Variants in NAT9 observed in about 807,000 individuals in gnomAD.
NAT9 encodes the protein N-acetyltransferase 9.
In NAT9, 18 loss-of-function variants were observed where a neutral mutation model predicts 24.0. That is an observed-to-expected ratio of 0.75 (90% confidence interval 0.52 to 1.11). The LOEUF (loss-of-function observed/expected upper bound fraction) is 1.11, where lower values mean the gene tolerates loss of function less well. NAT9 is among the 50% of genes most tolerant of loss of function. The pLI is 0.00. For synonymous variants in NAT9, 104 were observed against 102.3 expected, an observed-to-expected ratio of 1.02 and a Z score of -0.10; for missense variants, 254 against 258.6, an observed-to-expected ratio of 0.98 and a Z score of 0.12.
intron 3 of NAT9, 125 bp from the exon 4 acceptor site, chr17:74,773,164 G>T (rs879594700): frequency 3.3e-6 from 4 of 1,212,396 alleles, no homozygotes; most frequent in African/African-American, 1.5e-5. Flanking sequence ...AGAAGAGGGG[G>T]TCCCAGAGCT....
intron 4 of NAT9, chr17:74,772,609 T>A: frequency 7.2e-7 from 1 of 1,383,300 alleles, no homozygotes; most frequent in Non-Finnish European, 9.4e-7. Flanking sequence ...AGAGACCTTT[T>A]TCTGAGGGTC....
intron 5 of NAT9, 79 bp downstream of exon 5, chr17:74,772,139 C>T (rs1229119922): frequency 1.2e-6 from 2 of 1,613,564 alleles, no homozygotes; most frequent in Non-Finnish European, 1.7e-6. Context: ...GAACCTTCAC[C>T]TGCCCCCAAC....
intron 1 of NAT9, 160 bp downstream of exon 1, chr17:74,776,107 G>A (rs2036030339): frequency 6.3e-6 from 1 of 159,718 alleles, no homozygotes; most frequent in Non-Finnish European, 1.4e-5. Flanking sequence ...CTCTTACCCC[G>A]GCGACCACCC....
intron 2 of NAT9, among the ~76,000 whole-genome samples, chr17:74,774,551 CTT>C (rs34005401): frequency 3.8e-5 from 5 of 130,172 alleles, no homozygotes; most frequent in African/African-American, 5.7e-5. Context: ...AGGCTGGTCT[CTT>C]TTTTTTTTTT....
At chr17:74,776,028 T>G in intron 1 of NAT9, 1 of 231,420 alleles carries the variant, frequency 4.3e-6, no homozygotes, top group Non-Finnish European at 8.5e-6. Flanking sequence ...AGAGCTCCCA[T>G]TACTTGCCCC....
rs755956464 is a variant in NAT9, at chr17:74,771,873, G to A, written c.490-15C>T. On this transcript the variant is annotated splice_polypyrimidine_tract_variant and intron_variant, in intron 6 of 6. Transcript: ENST00000357814. ...CTCGTAGCCACCTACGTGAGCCAGA[G>A]AGAACAAAGCCTGCTAAGTTACAGT... 55 of 1,614,126 alleles carry A rather than the reference G, an allele frequency of 3.4e-5. No homozygotes were observed. In the Admixed American group the frequency reaches 7.8e-4, roughly 23 times the overall value.
Position 74,773,029 on chromosome 17 carries a change from G to A in NAT9, c.201C>T (p.Phe67=). The change falls in exon 4 of 7, where the codon TTC becomes TTT. Residue 67 remains phenylalanine (F), a synonymous_variant. Coordinates refer to ENST00000357814, the MANE Select transcript of NAT9 (RefSeq NM_015654.5). The part of the protein sequence containing the change: ...SWQEDADKCT[F]IVLDAEKWQA... Reference sequence around the variant, plus strand: ...GCCACTTCTCGGCATCCAGCACAATGAAGGTACACTCTGAGGAGGAGGTGA... The same window carrying A: ...GCCACTTCTCGGCATCCAGCACAATAAAGGTACACTCTGAGGAGGAGGTGA... 1 of 1,613,900 alleles carries A rather than the reference G, an allele frequency of 6.2e-7. No homozygotes were observed. Among genetic ancestry groups the A allele is most frequent in the Middle Eastern group, 1.6e-4 (1 of 6,062 alleles).
rs539716666 is a variant in NAT9 at position 74,771,757 on chromosome 17, C to T, written c.591G>A (p.Lys197=). ...GCTCTGCCGACCCATCTCTGTAAGGCTTCTCTTCCACGTGGCTGGTCTGCT... is the reference window on the plus strand; with the variant it reads ...GCTCTGCCGACCCATCTCTGTAAGGTTTCTCTTCCACGTGGCTGGTCTGCT... ...LLEQTSHVEE[K]PYRDGSAEPC The change falls in exon 7 of 7, where the codon AAG becomes AAA. Residue 197 remains lysine (K), a synonymous_variant. Transcript: ENST00000357814. 1.2e-6 allele frequency: 2 copies of T among 1,614,058 alleles called. No homozygotes were observed. The highest frequency in any genetic ancestry group is 2.2e-5 in the East Asian group (1 of 44,882).
Position 74,771,684 on chromosome 17 carries a change from A to G in NAT9, c.*40T>C. On this transcript the variant is annotated 3_prime_UTR_variant, in exon 7 of 7. Transcript: ENST00000357814. ...GGTCTTTGAAGTGTATGGGCCCAACACCCTGCTCACACAGAGTGGCTGCCC... is the reference window on the plus strand; with the variant it reads ...GGTCTTTGAAGTGTATGGGCCCAACGCCCTGCTCACACAGAGTGGCTGCCC... 6.2e-7 allele frequency: 1 copy of G among 1,611,582 alleles called. No individual in the cohort carries two copies. The highest frequency in any genetic ancestry group is 8.5e-7 in the Non-Finnish European group (1 of 1,179,684).
intron 2 of NAT9, chr17:74,775,312 C>G (rs1489973879): frequency 8.4e-6 from 2 of 237,926 alleles, no homozygotes; most frequent in Non-Finnish European, 1.6e-5. Context: ...CTCAGCCTCC[C>G]TAGTAGCTGG....
At chr17:74,773,173 C>T in intron 3 of NAT9, 134 bp from the exon 4 acceptor site, 1 of 1,117,196 alleles carries the variant, frequency 9.0e-7, no homozygotes, top group South Asian at 1.6e-5. Flanking sequence ...GGTCCCAGAG[C>T]TTCCTTCAGC....
chr17:74,772,231 C>T lies in NAT9; in HGVS notation c.381G>A (p.Ala127=). 6.2e-7 allele frequency: 1 copy of T among 1,614,242 alleles called. No homozygotes were observed. ...GKGLGTEAVL[A]MLSYGVTTLG... is the part of the protein sequence containing the mutation. Reference sequence around the variant, plus strand: ...ACACTTTCTTACCGTAAGACAGCATCGCGAGAACGGCCTCAGTGCCAAGGC... The same window carrying T: ...ACACTTTCTTACCGTAAGACAGCATTGCGAGAACGGCCTCAGTGCCAAGGC... Residue 127 remains alanine, a synonymous_variant, in exon 5 of 7, where the codon GCG becomes GCA. Transcript: ENST00000357814.
chr17:74,773,006 C>T lies in NAT9; in HGVS notation c.224G>A (p.Trp75Ter), dbSNP rs1258923229. Reference protein sequence around the residue: ...CTFIVLDAEKWQAQPGATEES... With the variant: ...CTFIVLDAEK The stretch of plus-strand genomic sequence containing the variant: ...TTCGGTGGCGCCTGGCTGGGCCTGC[C>T]ACTTCTCGGCATCCAGCACAATGAA... Residue 75 changes from tryptophan to a stop codon, truncating the protein, a stop_gained, in exon 4 of 7, where the codon TGG becomes TAG. Transcript: ENST00000357814. LOFTEE classifies it high-confidence loss of function. The T allele has an allele frequency of 3.1e-6, 5 of 1,613,864 alleles. No individual in the cohort carries two copies. The highest frequency in any genetic ancestry group is 4.2e-6 in the Non-Finnish European group (5 of 1,180,000).
chr17:74,774,886 C>G (rs182959970), intron 2 of NAT9, among the ~76,000 whole-genome samples: 1 of 148,106 alleles, frequency 6.8e-6, no homozygotes, highest in Non-Finnish European at 1.5e-5. Flanking sequence ...GACAAAGTCT[C>G]ACTCTGTTGC....
At chr17:74,772,638 T>C in intron 4 of NAT9, 1 of 1,287,586 alleles carries the variant, frequency 7.8e-7, no homozygotes, top group Non-Finnish European at 1.0e-6. Flanking sequence ...ACCCCAACTA[T>C]GGGACTAACC....
rs2035207383 is a variant in NAT9, at chr17:74,771,593, AGT to A, written c.*129_*130del. ...GGGAGGCCACAGCAAGCCCCGCCAG[AGT>A]CTGAAGGGCCTCGAAAGGTGATTCC... On this transcript the variant is annotated 3_prime_UTR_variant, in exon 7 of 7. Coordinates refer to ENST00000357814, the MANE Select transcript of NAT9 (RefSeq NM_015654.5). The A allele has an allele frequency of 7.2e-7, 1 of 1,392,732 alleles. No individual in the cohort carries two copies. Among genetic ancestry groups the A allele is most frequent in the African/African-American group, 1.4e-5 (1 of 69,848 alleles). The allele number at this position is 1,392,732 out of a possible 1,614,324, so 86.3% of individuals were successfully genotyped here. A position where few individuals can be genotyped will look rare whatever the true frequency, so the allele number is the denominator to read the frequency against.
Position 74,772,023 on chromosome 17 carries a change from C to T in NAT9, c.426G>A (p.Glu142=), listed in dbSNP as rs752947423. Residue 142 remains glutamate, a synonymous_variant, in exon 6 of 7, where the codon GAG becomes GAA. Coordinates refer to ENST00000357814, the MANE Select transcript of NAT9 (RefSeq NM_015654.5). The part of the protein sequence containing the change: ...GVTTLGLTKF[E]AKIGQGNEPS... The stretch of plus-strand genomic sequence containing the variant: ...GTTCATTTCCTTGCCCAATTTTAGC[C>T]TCAAACTTGGTCAGACCTAGCGTGG... 2.5e-6 allele frequency: 4 copies of T among 1,614,112 alleles called. No individual in the cohort carries two copies. The highest frequency in any genetic ancestry group is 3.4e-6 in the Non-Finnish European group (4 of 1,180,048).
chr17:74,772,803 C>G (rs2035408855), intron 4 of NAT9, 93 bp downstream of exon 4: 2 of 1,554,416 alleles, frequency 1.3e-6, no homozygotes, highest in Non-Finnish European at 1.8e-6. Context: ...CCCAGTGAAC[C>G]CTGTGAGTGC....
Position 74,771,523 on chromosome 17 carries a change from ACTGGCC to A in NAT9, c.*195_*200del. On this transcript the variant is annotated 3_prime_UTR_variant, in exon 7 of 7. Transcript: ENST00000357814. ...GGTTTGGCCGGGAGGGGAGAAGGGA[ACTGGCC>A]CTGGCCCTGGAGTCTGCTCAGCCAC... The A allele has an allele frequency of 1.3e-6, 1 of 792,054 alleles. No homozygotes were observed. The highest frequency in any genetic ancestry group is 1.9e-6 in the Non-Finnish European group (1 of 514,036). 49.1% of individuals were successfully genotyped at this position (792,054 alleles called of 1,614,324 possible).
Sources: allele counts gnomAD v4.1 joint callset (sites outside exome capture counted in the v4.1 genomes callset), GRCh38; gene constraint gnomAD v4.1.1; transcripts MANE v1.5; gene names NCBI Gene and HGNC (gene_info 2026-07-23, HGNC 2026-07-21).